The following TMEM231 variants were observed in gnomAD, a reference collection of about 807,000 sequenced individuals.
The protein encoded by TMEM231 is transmembrane protein 231.
A neutral mutation model predicts 38.5 loss-of-function variants in TMEM231; 40 were observed. That is an observed-to-expected ratio of 1.04 (90% CI 0.81 to 1.35). TMEM231 has a LOEUF of 1.35. Among genes scored for constraint, TMEM231 ranks in the 40% most tolerant of loss-of-function variants. The pLI is 0.00. For missense variants in TMEM231, 420 were observed against 416.9 expected, an observed-to-expected ratio of 1.01 and a Z score of -0.07; for synonymous variants, 199 against 181.7, an observed-to-expected ratio of 1.10 and a Z score of -0.77.
In TMEM231 at chr16:75,545,346, T is replaced by A. The variant is rs376300743; in HGVS notation, c.582+6A>T. 1 of 1,611,962 alleles carries A rather than the reference T, an allele frequency of 6.2e-7. No individual in the cohort carries two copies. Among genetic ancestry groups the A allele is most frequent in the African/African-American group, 1.3e-5 (1 of 74,808 alleles). On this transcript the variant is annotated splice_donor_region_variant and intron_variant, in intron 4 of 6. Transcript: ENST00000258173. Reference sequence around the variant, plus strand: ...AAAGGAGCTGGACAATGAGAAGCGCTCTTACGTTGTATCGGGCATCTAGGC... The same window carrying A: ...AAAGGAGCTGGACAATGAGAAGCGCACTTACGTTGTATCGGGCATCTAGGC...
chr16:75,549,007 G>A (rs2080725136), intron 2 of TMEM231, among the ~76,000 whole-genome samples: 1 of 152,188 alleles, frequency 6.6e-6, no homozygotes, highest in African/African-American at 2.4e-5. Flanking sequence ...AGGCTAATCA[G>A]GTACATGTGC....
chr16:75,548,192 T>C (rs2080716352), intron 2 of TMEM231, among the ~76,000 whole-genome samples: 1 of 152,224 alleles, frequency 6.6e-6, no homozygotes, highest in Non-Finnish European at 1.5e-5. Context: ...GTCCTCTTTT[T>C]AGGACCAAAA....
At chr16:75,544,278 G>C (rs541549612) in intron 4 of TMEM231, among the ~76,000 whole-genome samples, 3 of 152,314 alleles carry the variant, frequency 2.0e-5, no homozygotes, top group Admixed American at 6.5e-5. Context: ...GGGAGAGTCT[G>C]GCTGAGGAAT....
chr16:75,540,025 C>T lies in TMEM231; in HGVS notation c.920G>A (p.Arg307Gln), dbSNP rs746970206. The change falls in exon 7 of 7, where the codon CGG (arginine) becomes CAG (glutamine). Residue 307 changes from arginine to glutamine, a missense_variant. Arg to Gln is a conservative substitution (Grantham distance 43, BLOSUM62 1). Transcript: ENST00000258173. ...TAAGTGCTCCTTACACAAGTCTCCC[C>T]GGGGCGTCACTGTCACAGGAATGGT... ...VTTIPVTVTP[R>Q]GDLCKEHLS The T allele has an allele frequency of 4.5e-5, 73 of 1,612,994 alleles. No homozygotes were observed. Among genetic ancestry groups the T allele is most frequent in the Non-Finnish European group, 5.3e-5 (63 of 1,179,466 alleles).
rs2080601121 is a variant in TMEM231, at chr16:75,539,932, A to C, written c.*62T>G. The C allele has an allele frequency of 1.4e-6, 2 of 1,469,988 alleles. No homozygotes were observed. Among genetic ancestry groups the C allele is most frequent in the Non-Finnish European group, 1.8e-6 (2 of 1,084,344 alleles). The allele number at this position is 1,469,988 out of a possible 1,614,324, so 91.1% of individuals were successfully genotyped here. On this transcript the variant is annotated 3_prime_UTR_variant, in exon 7 of 7. Coordinates refer to ENST00000258173, the MANE Select transcript of TMEM231 (RefSeq NM_001077418.3). Reference sequence around the variant, plus strand: ...CTGGGCTCTTTCAAAAGGTCCTAAGATGTTCCCAGAAGATGACAATGAGGC... The same window carrying C: ...CTGGGCTCTTTCAAAAGGTCCTAAGCTGTTCCCAGAAGATGACAATGAGGC...
intron 2 of TMEM231, among the ~76,000 whole-genome samples, chr16:75,546,229 T>G (rs1380962914): frequency 6.6e-6 from 1 of 152,226 alleles, no homozygotes; most frequent in African/African-American, 2.4e-5. Context: ...TATTTGTGCC[T>G]TTCAGTTGTC....
chr16:75,550,377 T>C (rs766479346), intron 2 of TMEM231, among the ~76,000 whole-genome samples: 21 of 152,212 alleles, frequency 1.4e-4, no homozygotes, highest in Non-Finnish European at 2.8e-4. Flanking sequence ...CAGTGGTGAC[T>C]GGTTTCATTT....
rs2080577585 is a variant in TMEM231, at chr16:75,537,988, C to G, written c.*2006G>C. 1 of 152,142 alleles carries G rather than the reference C, an allele frequency of 6.6e-6. No homozygotes were observed. The highest frequency in any genetic ancestry group is 1.9e-4 in the East Asian group (1 of 5,196). 9.4% of individuals were successfully genotyped at this position (152,142 alleles called of 1,614,324 possible). On this transcript the variant is annotated 3_prime_UTR_variant, in exon 7 of 7. Coordinates refer to ENST00000258173, the MANE Select transcript of TMEM231 (RefSeq NM_001077418.3). ...TTTCACCAAAGACCTCATGGAAGTT[C>G]CAAGGTCGTTAGGCAGAGCCTTGTA... is the stretch of plus-strand genomic sequence containing the variant.
At chr16:75,552,909 C>G (rs967077803) in intron 2 of TMEM231, among the ~76,000 whole-genome samples, 1 of 152,198 alleles carries the variant, frequency 6.6e-6, no homozygotes, top group Non-Finnish European at 1.5e-5. Flanking sequence ...TCCCTGTATT[C>G]TCTGGGTCCA....
At chr16:75,547,775 C>T (rs1433382398) in intron 2 of TMEM231, among the ~76,000 whole-genome samples, 1 of 151,874 alleles carries the variant, frequency 6.6e-6, no homozygotes, top group African/African-American at 2.4e-5. Context: ...GAGACTCCAT[C>T]TCAAAAAAAT....
intron 4 of TMEM231, among the ~76,000 whole-genome samples, chr16:75,544,862 T>C (rs2080664851): frequency 6.6e-6 from 1 of 151,994 alleles, no homozygotes; most frequent in Admixed American, 6.6e-5. Flanking sequence ...TCTCTGTAGT[T>C]TGAAAAAATT....
At position 75,549,850 on chromosome 16, in the gene TMEM231, A is replaced by G. The variant is rs117926862; in HGVS notation, c.310-3896T>C. Among the ~76,000 whole-genome samples the G allele has an allele frequency of 8.5e-3, 1,298 of 152,254 alleles. 16 individuals are homozygous for G. Among genetic ancestry groups the G allele is most frequent in the Non-Finnish European group, 9.5e-3 (644 of 68,018 alleles). On this transcript the variant is annotated intron_variant, in intron 2 of 6. Coordinates refer to ENST00000258173, the MANE Select transcript of TMEM231 (RefSeq NM_001077418.3). Reference sequence around the variant, plus strand: ...CAGCTTCCTGACTAGCTGGGATTACAGGTGTGCGCCACTACGCCCAGCTGA... The same window carrying G: ...CAGCTTCCTGACTAGCTGGGATTACGGGTGTGCGCCACTACGCCCAGCTGA...
chr16:75,547,859 C>T (rs2080712295), intron 2 of TMEM231, among the ~76,000 whole-genome samples: 1 of 152,012 alleles, frequency 6.6e-6, no homozygotes, highest in South Asian at 2.1e-4. Context: ...GGTAGAAAAT[C>T]TTATGTAACT....
intron 6 of TMEM231, among the ~76,000 whole-genome samples, chr16:75,540,766 T>C (rs760172977): frequency 4.6e-5 from 7 of 152,246 alleles, no homozygotes; most frequent in Non-Finnish European, 8.8e-5. Flanking sequence ...TAAATATGGA[T>C]GATTCTTACC....
rs758128698 is a variant in TMEM231 at position 75,551,354 on chromosome 16, C to T, written c.309+4450G>A. Among the ~76,000 whole-genome samples the T allele has an allele frequency of 5.9e-5, 9 of 152,272 alleles. No homozygotes were observed. In the East Asian group the frequency reaches 7.8e-4, roughly 13 times the overall value. On this transcript the variant is annotated intron_variant, in intron 2 of 6. Coordinates refer to ENST00000258173, the MANE Select transcript of TMEM231 (RefSeq NM_001077418.3). ...CTGGGACTATAGGCATTCACCACTACCCCTGGCTAATTTTTAAATTTTTTA... is the reference window on the plus strand; with the variant it reads ...CTGGGACTATAGGCATTCACCACTATCCCTGGCTAATTTTTAAATTTTTTA...
intron 2 of TMEM231, among the ~76,000 whole-genome samples, chr16:75,554,651 AT>A (rs1457138988): frequency 6.6e-6 from 1 of 152,194 alleles, no homozygotes; most frequent in Non-Finnish European, 1.5e-5. Flanking sequence ...AATACAGCTG[AT>A]TAATAAGTAT....
rs2080640391 is a variant in TMEM231, at chr16:75,542,667, C to T, written c.599G>A (p.Gly200Glu). The change falls in exon 5 of 7, where the codon GGG (glycine) becomes GAG (glutamate). Residue 200 changes from glycine to glutamate, a missense_variant. Gly to Glu is a moderately conservative substitution (Grantham distance 98, BLOSUM62 -2). Transcript: ENST00000258173. ...GTAGTCATAGGCAAAGGGGCTGGTC[C>T]CGTTGATCACGGATATCTGGGACAC... Reference protein sequence around the residue: ...DARYNISVINGTSPFAYDYDL... With the variant: ...DARYNISVINETSPFAYDYDL... 1.2e-6 allele frequency: 2 copies of T among 1,613,824 alleles called. No individual in the cohort carries two copies. Among genetic ancestry groups the T allele is most frequent in the Non-Finnish European group, 1.7e-6 (2 of 1,179,838 alleles).
At chr16:75,546,059 A>G (rs747185044) in intron 2 of TMEM231, 105 bp from the exon 3 acceptor site, 2 of 1,552,628 alleles carry the variant, frequency 1.3e-6, no homozygotes, top group South Asian at 1.2e-5. Context: ...GCTGTACACA[A>G]CAGGCATTAT....
At chr16:75,551,566 T>A (rs1283078652) in intron 2 of TMEM231, among the ~76,000 whole-genome samples, 1 of 152,252 alleles carries the variant, frequency 6.6e-6, no homozygotes, top group Non-Finnish European at 1.5e-5. Flanking sequence ...CATTTCCAAT[T>A]AAACTATGAC....
Sources: gnomAD v4.1 joint callset for allele counts (sites outside exome capture counted in the v4.1 genomes callset) on GRCh38, gnomAD v4.1.1 for gene constraint, MANE v1.5 for transcripts, NCBI Gene and HGNC (gene_info 2026-07-23, HGNC 2026-07-21) for gene names.